Variants in ENOX1 observed in about 807,000 individuals in gnomAD.
ENOX1 encodes the protein ecto-NOX disulfide-thiol exchanger 1.
Under a neutral mutation model 82.5 loss-of-function variants are expected in ENOX1, and 42 were observed. The ratio of observed to expected loss-of-function variants is 0.51; its 90% CI spans 0.40 to 0.66. The LOEUF (loss-of-function observed/expected upper bound fraction) is 0.66. Among genes scored for constraint, ENOX1 ranks in the 30% least tolerant of loss-of-function variants. The pLI is 0.00. For missense variants in ENOX1, 608 were observed against 811.6 expected (o/e 0.75, Z 3.05); for synonymous variants, 271 against 282.2 (o/e 0.96, Z 0.40).
chr13:43,738,668 T>C (rs2089747078), intron 1 of ENOX1, among the ~76,000 whole-genome samples: 1 of 152,176 alleles, frequency 6.6e-6, no homozygotes, highest in African/African-American at 2.4e-5. Context: ...TCTTCCTGGG[T>C]AATGTTTGCT....
At chr13:43,486,605 G>T (rs1000667074) in intron 2 of ENOX1, among the ~76,000 whole-genome samples, 1 of 152,170 alleles carries the variant, frequency 6.6e-6, no homozygotes, top group African/African-American at 2.4e-5. Context: ...CATCTTAACT[G>T]TCTTGTAAAG....
intron 1 of ENOX1, among the ~76,000 whole-genome samples, chr13:43,699,629 A>C (rs188822273): frequency 6.0e-4 from 92 of 152,336 alleles, no homozygotes; most frequent in South Asian, 2.3e-3. Context: ...CAGAGATTTC[A>C]ATAATGAAGA....
At chr13:43,427,143 T>G (rs1414984357) in intron 3 of ENOX1, among the ~76,000 whole-genome samples, 1 of 152,122 alleles carries the variant, frequency 6.6e-6, no homozygotes, top group East Asian at 1.9e-4. Context: ...TGCTGATACA[T>G]GTAATGAGTT....
At chr13:43,757,159 A>G (rs1016745148) in intron 1 of ENOX1, among the ~76,000 whole-genome samples, 1 of 152,152 alleles carries the variant, frequency 6.6e-6, no homozygotes, top group African/African-American at 2.4e-5. Flanking sequence ...TAATTATACG[A>G]GAGACCTGAT....
At chr13:43,592,419 T>C (rs528523005) in intron 2 of ENOX1, among the ~76,000 whole-genome samples, 19 of 152,330 alleles carry the variant, frequency 1.2e-4, no homozygotes, top group South Asian at 2.1e-4. Context: ...GCTTTATTTA[T>C]AGATAATTTA....
intron 10 of ENOX1, among the ~76,000 whole-genome samples, chr13:43,323,107 G>A (rs1201095179): frequency 2.0e-5 from 3 of 152,174 alleles, no homozygotes; most frequent in Non-Finnish European, 4.4e-5. Context: ...CAAACATAGT[G>A]CCCCTGCATG....
At chr13:43,521,743 A>T (rs1284120925) in intron 2 of ENOX1, among the ~76,000 whole-genome samples, 1 of 152,150 alleles carries the variant, frequency 6.6e-6, no homozygotes, top group Non-Finnish European at 1.5e-5. Context: ...TTGTAAGCCT[A>T]ACTCTTCTAC....
intron 3 of ENOX1, among the ~76,000 whole-genome samples, chr13:43,434,535 T>C (rs2153615793): frequency 6.6e-6 from 1 of 152,314 alleles, no homozygotes; most frequent in East Asian, 1.9e-4. Flanking sequence ...CACTTGCTCC[T>C]CTGAACCCCA....
chr13:43,365,425 C>T (rs1163262111), intron 5 of ENOX1, among the ~76,000 whole-genome samples: 1 of 152,118 alleles, frequency 6.6e-6, no homozygotes, highest in Admixed American at 6.5e-5. Flanking sequence ...CAGGTGTAGT[C>T]CTGGGCTGAG....
intron 2 of ENOX1, among the ~76,000 whole-genome samples, chr13:43,591,577 T>C (rs2081247910): frequency 1.3e-5 from 2 of 152,220 alleles, no homozygotes; most frequent in Admixed American, 1.3e-4. Flanking sequence ...GGTCTTTAGC[T>C]GGGCAGTGCA....
intron 5 of ENOX1, among the ~76,000 whole-genome samples, chr13:43,406,963 G>A (rs78903967): frequency 0.049 from 7,458 of 152,200 alleles, 525 homozygotes; most frequent in African/African-American, 0.15. Context: ...ATTATCTCAC[G>A]GCCAGAGAAT....
chr13:43,246,765 C>A (rs538991902), intron 14 of ENOX1, among the ~76,000 whole-genome samples: 3 of 152,208 alleles, frequency 2.0e-5, no homozygotes, highest in Admixed American at 2.0e-4. Flanking sequence ...GGTGGAGAGG[C>A]TCAGGCAAGG....
At chr13:43,616,164 ATCTATC>A (rs1398426045) in intron 2 of ENOX1, among the ~76,000 whole-genome samples, 2 of 4,920 alleles carry the variant, frequency 4.1e-4, no homozygotes, top group South Asian at 0.024. Context: ...ATAGATATCT[ATCTATC>A]TATCTATCTA....
chr13:43,464,776 C>G (rs1566289205), intron 3 of ENOX1, among the ~76,000 whole-genome samples: 1 of 152,262 alleles, frequency 6.6e-6, no homozygotes, highest in East Asian at 1.9e-4. Flanking sequence ...TTGGATTTTA[C>G]CAGTCTTTCT....
At chr13:43,729,166 T>C (rs2089174047) in intron 1 of ENOX1, among the ~76,000 whole-genome samples, 1 of 152,216 alleles carries the variant, frequency 6.6e-6, no homozygotes, top group Admixed American at 6.5e-5. Context: ...TGTTCCACAA[T>C]CCAACATTCC....
chr13:43,270,642 TG>T (rs1424592915), intron 12 of ENOX1, among the ~76,000 whole-genome samples: 1 of 152,120 alleles, frequency 6.6e-6, no homozygotes, highest in Non-Finnish European at 1.5e-5. Context: ...TCTACTGGTT[TG>T]GGGGGATTTT....
chr13:43,773,429 C>CCCAG (rs1951754600), intron 1 of ENOX1, among the ~76,000 whole-genome samples: 1 of 152,132 alleles, frequency 6.6e-6, no homozygotes, highest in Non-Finnish European at 1.5e-5. Flanking sequence ...ATCCAAAGTC[C>CCCAG]CCAGCATGGT....
chr13:43,683,599 G>C (rs557772424), intron 1 of ENOX1, among the ~76,000 whole-genome samples: 1 of 152,124 alleles, frequency 6.6e-6, no homozygotes, highest in South Asian at 2.1e-4. Context: ...GGCTCAACCA[G>C]GCTGTCTCCT....
At chr13:43,691,329 C>T (rs576066401) in intron 1 of ENOX1, among the ~76,000 whole-genome samples, 2 of 152,126 alleles carry the variant, frequency 1.3e-5, no homozygotes, top group Admixed American at 6.5e-5. Flanking sequence ...TAGACTAGTA[C>T]CTCTCGTCAT....
Sources: allele counts gnomAD v4.1 joint callset (sites outside exome capture counted in the v4.1 genomes callset), GRCh38; gene constraint gnomAD v4.1.1; transcripts MANE v1.5; gene names NCBI Gene and HGNC (gene_info 2026-07-23, HGNC 2026-07-21).